The following MARCHF1 variants were observed in gnomAD, a reference collection of about 807,000 sequenced individuals.
MARCHF1 encodes membrane associated ring-CH-type finger 1.
MARCHF1 carries 40 observed loss-of-function variants against 54.2 expected under a neutral mutation model. The ratio of observed to expected loss-of-function variants is 0.74; its 90% confidence interval spans 0.57 to 0.96. MARCHF1 has a LOEUF of 0.96. Ranked by LOEUF, MARCHF1 falls within the 40% of genes least tolerant of loss-of-function variation. The probability of loss-of-function intolerance (pLI) is 0.00; values close to 1 mark genes in which losing one functional copy is unlikely to be tolerated. For synonymous variants in MARCHF1, 236 were observed against 236.3 expected (o/e 1.00, Z 0.01); for missense variants, 586 against 656.5 (o/e 0.89, Z 1.17).
intron 1 of MARCHF1, among the ~76,000 whole-genome samples, chr4:164,359,110 T>G (rs1236273528): frequency 1.3e-5 from 2 of 152,154 alleles, no homozygotes; most frequent in South Asian, 4.1e-4. Context: ...TAGATATATG[T>G]AATAGGAAAG....
intron 2 of MARCHF1, among the ~76,000 whole-genome samples, chr4:163,997,286 A>T (rs1327835438): frequency 6.6e-6 from 1 of 152,012 alleles, no homozygotes; most frequent in Non-Finnish European, 1.5e-5. Flanking sequence ...AAAAAACAGT[A>T]TGGGAGCAGG....
intron 4 of MARCHF1, among the ~76,000 whole-genome samples, chr4:163,780,433 A>G (rs1747430223): frequency 6.6e-6 from 1 of 152,012 alleles, no homozygotes; most frequent in African/African-American, 2.4e-5. Context: ...CCTTTTTCAT[A>G]TTTTCATTAC....
chr4:163,938,187 A>C (rs1369546022), intron 3 of MARCHF1, among the ~76,000 whole-genome samples: 1 of 152,204 alleles, frequency 6.6e-6, no homozygotes. Flanking sequence ...GTGTGACATA[A>C]GGATCTTGGT....
intron 2 of MARCHF1, among the ~76,000 whole-genome samples, chr4:163,989,172 C>A (rs1336743674): frequency 6.6e-6 from 1 of 152,132 alleles, no homozygotes; most frequent in Non-Finnish European, 1.5e-5. Context: ...AGCCAAATCT[C>A]TTCCTTGAGA....
intron 1 of MARCHF1, among the ~76,000 whole-genome samples, chr4:164,172,647 T>C (rs772751963): frequency 2.6e-5 from 4 of 152,168 alleles, no homozygotes; most frequent in African/African-American, 9.7e-5. Flanking sequence ...AAAGAATTAT[T>C]TTTTTGTGTC....
intron 2 of MARCHF1, among the ~76,000 whole-genome samples, chr4:164,025,052 G>A (rs1016791260): frequency 6.6e-6 from 1 of 152,102 alleles, no homozygotes; most frequent in African/African-American, 2.4e-5. Flanking sequence ...AAATATATAT[G>A]CACCCATTGG....
At chr4:163,779,369 T>C (rs1747398688) in intron 4 of MARCHF1, among the ~76,000 whole-genome samples, 2 of 152,118 alleles carry the variant, frequency 1.3e-5, no homozygotes, top group Non-Finnish European at 2.9e-5. Flanking sequence ...AGCTGGGAAA[T>C]TGGAAGTCTT....
At chr4:164,052,304 G>C (rs898834444) in intron 2 of MARCHF1, among the ~76,000 whole-genome samples, 6 of 151,790 alleles carry the variant, frequency 4.0e-5, no homozygotes, top group Non-Finnish European at 7.4e-5. Context: ...GGGTGAGGTG[G>C]GTGGATCAAT....
chr4:164,044,315 A>G (rs1184062429), intron 2 of MARCHF1, among the ~76,000 whole-genome samples: 2 of 152,188 alleles, frequency 1.3e-5, no homozygotes, highest in Non-Finnish European at 2.9e-5. Context: ...AACAGGAAGC[A>G]TAATTAGGAG....
rs56160451 is a variant in MARCHF1 at position 164,091,862 on chromosome 4, TTGTGTGTGTGTGTG to T, written c.-248+19712_-248+19725del. Among the ~76,000 whole-genome samples, 49 of 148,548 alleles carry T rather than the reference TTGTGTGTGTGTGTG, an allele frequency of 3.3e-4. 1 individual carries two copies. Among genetic ancestry groups the T allele is most frequent in the African/African-American group, 9.9e-5 (4 of 40,256 alleles). On this transcript the variant is annotated intron_variant, in intron 2 of 9. Transcript: ENST00000514618. ...TGAAATGGGAAGTATATGTATACTT[TTGTGTGTGTGTGTG>T]TGTGTGTGTGTGTGTGTGTCTGTAT...
At chr4:163,885,474 T>A (rs1394530437) in intron 3 of MARCHF1, among the ~76,000 whole-genome samples, 1 of 152,056 alleles carries the variant, frequency 6.6e-6, no homozygotes, top group Non-Finnish European at 1.5e-5. Context: ...ACATTATAGG[T>A]ACAAAATAGT....
At chr4:163,691,170 T>C (rs1223545121) in intron 5 of MARCHF1, among the ~76,000 whole-genome samples, 1 of 152,206 alleles carries the variant, frequency 6.6e-6, no homozygotes, top group East Asian at 1.9e-4. Context: ...GGCTATCGAA[T>C]TGTTGTATCA....
chr4:164,004,128 C>T (rs944516406), intron 2 of MARCHF1, among the ~76,000 whole-genome samples: 1 of 151,728 alleles, frequency 6.6e-6, no homozygotes, highest in African/African-American at 2.4e-5. Flanking sequence ...CACACTGGGG[C>T]CTGTCGAGGA....
intron 5 of MARCHF1, among the ~76,000 whole-genome samples, chr4:163,662,865 T>C (rs1388090953): frequency 6.6e-6 from 1 of 152,012 alleles, no homozygotes. Context: ...GAGGCAAATA[T>C]GGGAAAGAGG....
At chr4:163,700,438 G>A (rs549988110) in intron 5 of MARCHF1, among the ~76,000 whole-genome samples, 28 of 151,936 alleles carry the variant, frequency 1.8e-4, no homozygotes, top group African/African-American at 6.3e-4. Flanking sequence ...CCAGAAGGCG[G>A]AGGTTGCAGT....
At chr4:163,694,045 G>T (rs1373859693) in intron 5 of MARCHF1, among the ~76,000 whole-genome samples, 1 of 152,170 alleles carries the variant, frequency 6.6e-6, no homozygotes, top group Non-Finnish European at 1.5e-5. Flanking sequence ...GTCAGAAGAA[G>T]GATATGATGA....
At chr4:163,605,302 A>G (rs566531083) in intron 7 of MARCHF1, among the ~76,000 whole-genome samples, 3 of 152,318 alleles carry the variant, frequency 2.0e-5, no homozygotes, top group Admixed American at 6.5e-5. Flanking sequence ...AACATATGAA[A>G]AAAAGCTCAT....
chr4:163,577,715 C>G (rs1286301397), intron 8 of MARCHF1, among the ~76,000 whole-genome samples: 1 of 151,950 alleles, frequency 6.6e-6, no homozygotes, highest in African/African-American at 2.4e-5. Flanking sequence ...TCAGGAATGC[C>G]ACTAATTTGT....
intron 3 of MARCHF1, among the ~76,000 whole-genome samples, chr4:163,983,795 T>C (rs1026499044): frequency 1.8e-4 from 28 of 152,314 alleles, no homozygotes; most frequent in African/African-American, 6.7e-4. Flanking sequence ...GGATCCTTTG[T>C]TTCTACCAAC....
Sources: allele counts gnomAD v4.1 joint callset (sites outside exome capture counted in the v4.1 genomes callset), GRCh38; gene constraint gnomAD v4.1.1; transcripts MANE v1.5; gene names NCBI Gene and HGNC (gene_info 2026-07-23, HGNC 2026-07-21).